The following HEYL variants were observed in gnomAD, a reference collection of about 807,000 sequenced individuals.
The protein encoded by HEYL is hes related family bHLH transcription factor with YRPW motif like, also known as hairy/enhancer-of-split related with YRPW motif-like protein.
HEYL carries 12 observed loss-of-function variants against 18.6 expected under a neutral mutation model. That is an observed-to-expected ratio of 0.65 (90% CI 0.41 to 1.05). The LOEUF (loss-of-function observed/expected upper bound fraction) is 1.05. HEYL is among the 50% of genes least tolerant of loss of function. The pLI is 0.00. For synonymous variants in HEYL, 159 were observed against 179.6 expected (o/e 0.89, Z 0.91); for missense variants, 420 against 444.7 (o/e 0.94, Z 0.50).
chr1:39,628,260 T>C (rs1646311491), intron 4 of HEYL, among the ~76,000 whole-genome samples: 1 of 152,230 alleles, frequency 6.6e-6, no homozygotes, highest in Admixed American at 6.5e-5. Flanking sequence ...TTCACCTTTC[T>C]GCGTTTGCTG....
chr1:39,633,219 G>A (rs1646344807), intron 1 of HEYL: 2 of 599,456 alleles, frequency 3.3e-6, no homozygotes, highest in Admixed American at 6.3e-5. Flanking sequence ...CGGGGGCGAA[G>A]GGGAGGCGGC....
At position 39,626,766 on chromosome 1, in the gene HEYL, G is replaced by T; in HGVS notation, c.728C>A (p.Ser243Tyr). 14 of 1,541,636 alleles carry T rather than the reference G, an allele frequency of 9.1e-6. No individual in the cohort carries two copies. Among genetic ancestry groups the T allele is most frequent in the Non-Finnish European group, 1.2e-5 (14 of 1,140,400 alleles). ...RRNVLPSRGASSTRRARPLER... is the reference protein window; with the variant it reads ...RRNVLPSRGAYSTRRARPLER... ...TAGGGGGCGGGCCCTCCGGGTGGAA[G>T]ATGCCCCTCGACTGGGCAGCACATT... The change falls in exon 5 of 5, where the codon TCT (serine) becomes TAT (tyrosine). Residue 243 changes from serine to tyrosine, a missense_variant. Transcript: ENST00000372852.
chr1:39,626,451 G>T lies in HEYL; in HGVS notation c.*56C>A, dbSNP rs1006227707. 1.4e-5 allele frequency: 20 copies of T among 1,416,514 alleles called. No individual in the cohort carries two copies. The highest frequency in any genetic ancestry group is 1.5e-5 in the Non-Finnish European group (16 of 1,072,064). The allele number at this position is 1,416,514 out of a possible 1,614,324, so 87.7% of individuals were successfully genotyped here. The stretch of plus-strand genomic sequence containing the variant: ...GCAGAAAAGGCAGTGCCCTTTTTTG[G>T]GCTCCTGGTAAAAGAACCTTCCTTA... On this transcript the variant is annotated 3_prime_UTR_variant, in exon 5 of 5. Transcript: ENST00000372852.
intron 1 of HEYL, chr1:39,633,220 G>A: frequency 3.4e-6 from 2 of 591,354 alleles, no homozygotes; most frequent in Non-Finnish European, 4.3e-6. Flanking sequence ...GGGGGCGAAG[G>A]GGAGGCGGCA....
At position 39,632,662 on chromosome 1, in the gene HEYL, T is replaced by C. The variant is rs769157772; in HGVS notation, c.134A>G (p.Lys45Arg). The change falls in exon 2 of 5, where the codon AAG becomes AGG. Residue 45 changes from lysine to arginine, a missense_variant. Physicochemically the swap from Lys to Arg is conservative, Grantham distance 26. Transcript: ENST00000372852. ...TPSSSQMQARKKHRGIIEKRR... is the reference protein window; with the variant it reads ...TPSSSQMQARRKHRGIIEKRR... ...ACGGACACTCACCCCTCTGTGTTTC[T>C]TCCTGGCTTGCATCTGCGAAGAGCT... 1.2e-6 allele frequency: 2 copies of C among 1,613,814 alleles called. No individual in the cohort carries two copies. The highest frequency in any genetic ancestry group is 2.2e-5 in the South Asian group (2 of 91,064).
In HEYL at chr1:39,639,531, C is replaced by A. The variant is rs1305336738; in HGVS notation, c.80+15G>T. ...TCGCCCTCCGCCTGCTCGGTCCCCG[C>A]ATCCCGGCCCTTACCTCAGCTGGCC... On this transcript the variant is annotated intron_variant, in intron 1 of 4. Transcript: ENST00000372852. The A allele has an allele frequency of 5.7e-6, 9 of 1,573,856 alleles. No homozygotes were observed. Among genetic ancestry groups the A allele is most frequent in the Non-Finnish European group, 6.0e-6 (7 of 1,165,002 alleles).
At position 39,639,530 on chromosome 1, in the gene HEYL, G is replaced by A. The variant is rs936010379; in HGVS notation, c.80+16C>T. 8 of 1,570,278 alleles carry A rather than the reference G, an allele frequency of 5.1e-6. No individual in the cohort carries two copies. The African/African-American group carries it at 8.5e-5, about 17-fold the overall frequency. ...CTCGCCCTCCGCCTGCTCGGTCCCC[G>A]CATCCCGGCCCTTACCTCAGCTGGC... On this transcript the variant is annotated intron_variant, in intron 1 of 4. Coordinates refer to ENST00000372852, the MANE Select transcript of HEYL (RefSeq NM_014571.4).
chr1:39,625,476 G>A lies in HEYL; in HGVS notation c.*1031C>T, dbSNP rs1646291197. 1 of 152,296 alleles carries A rather than the reference G, an allele frequency of 6.6e-6. No individual in the cohort carries two copies. The highest frequency in any genetic ancestry group is 1.5e-5 in the Non-Finnish European group (1 of 68,096). The allele number at this position is 152,296 out of a possible 1,614,324, so 9.4% of individuals were successfully genotyped here. A position where few individuals can be genotyped will look rare whatever the true frequency, so the allele number is the denominator to read the frequency against. On this transcript the variant is annotated 3_prime_UTR_variant, in exon 5 of 5. Coordinates refer to ENST00000372852, the MANE Select transcript of HEYL (RefSeq NM_014571.4). ...ATCCTTTCTCTTGCCCCTCCTTGCA[G>A]TTATTTTTGTCCAGCCTGACAGTCC...
Position 39,626,832 on chromosome 1 carries a change from G to A in HEYL, c.662C>T (p.Pro221Leu), listed in dbSNP as rs1379040619. The A allele has an allele frequency of 1.9e-6, 3 of 1,571,938 alleles. No individual in the cohort carries two copies. In the African/African-American group the frequency reaches 4.0e-5, roughly 21 times the overall value. Residue 221 changes from proline (P) to leucine (L), a missense_variant, in exon 5 of 5, where the codon CCC (proline) becomes CTC (leucine). By Grantham distance (98) the Pro-to-Leu change is moderately conservative. Transcript: ENST00000372852. The stretch of plus-strand genomic sequence containing the variant: ...GATGATGCCTGTGGCTCTGCGAAGG[G>A]GAGCGGTTCGGAGGGCTGGGATGGG... ...AYPIPALRTA[P>L]LRRATGIILP... is the part of the protein sequence containing the mutation.
chr1:39,627,546 A>G (rs1005223462), intron 4 of HEYL, among the ~76,000 whole-genome samples: 9 of 152,334 alleles, frequency 5.9e-5, no homozygotes, highest in African/African-American at 1.9e-4. Context: ...GGTGTAGAAC[A>G]ACTCTGCCTG....
At position 39,623,857 on chromosome 1, in the gene HEYL, G is replaced by C. The variant is rs1327063868; in HGVS notation, c.*2650C>G. On this transcript the variant is annotated 3_prime_UTR_variant, in exon 5 of 5. Coordinates refer to ENST00000372852, the MANE Select transcript of HEYL (RefSeq NM_014571.4). ...AGGGCAGGTGGCAGAAGCTCAGGGA[G>C]CAAGTCTGGGACTGGCAAGAAATGA... Among the ~76,000 whole-genome samples, 3 of 152,230 alleles carry C rather than the reference G, an allele frequency of 2.0e-5. No homozygotes were observed. In the East Asian group the frequency reaches 5.8e-4, roughly 29 times the overall value.
At chr1:39,627,226 G>T (rs773429077) in intron 4 of HEYL, 46 bp from the exon 5 acceptor site, 2 of 1,545,502 alleles carry the variant, frequency 1.3e-6, no homozygotes, top group South Asian at 2.4e-5. Context: ...GTGGGGAGAA[G>T]CATGGAGCCT....
chr1:39,632,670 T>C lies in HEYL; in HGVS notation c.126A>G (p.Gln42=), dbSNP rs748160359. ...PLSTPSSSQM[Q]ARKKHRGIIE... ...TCACCCCTCTGTGTTTCTTCCTGGC[T>C]TGCATCTGCGAAGAGCTGGGGGTGG... Residue 42 remains glutamine (Q), a synonymous_variant, in exon 2 of 5, where the codon CAA becomes CAG. Coordinates refer to ENST00000372852, the MANE Select transcript of HEYL (RefSeq NM_014571.4). 6.2e-7 allele frequency: 1 copy of C among 1,613,938 alleles called. No individual in the cohort carries two copies. Among genetic ancestry groups the C allele is most frequent in the Non-Finnish European group, 8.5e-7 (1 of 1,179,908 alleles).
At chr1:39,631,608 C>T in intron 2 of HEYL, 29 bp from the exon 3 acceptor site, 1 of 1,592,772 alleles carries the variant, frequency 6.3e-7, no homozygotes, top group South Asian at 1.1e-5. Flanking sequence ...AAGTTACTCA[C>T]AGGTGTGTCA....
intron 4 of HEYL, among the ~76,000 whole-genome samples, chr1:39,629,854 C>T (rs1226584128): frequency 1.3e-5 from 2 of 152,164 alleles, no homozygotes; most frequent in Non-Finnish European, 2.9e-5. Flanking sequence ...GGGTAGGATA[C>T]CAGGCTCCTC....
At position 39,632,636 on chromosome 1, in the gene HEYL, G is replaced by C; in HGVS notation, c.147+13C>G. The C allele has an allele frequency of 1.9e-6, 3 of 1,612,134 alleles. No individual in the cohort carries two copies. Among genetic ancestry groups the C allele is most frequent in the Non-Finnish European group, 2.5e-6 (3 of 1,178,606 alleles). ...CTTTGTTGGTCAACTCAGAGGCTGA[G>C]ACGGACACTCACCCCTCTGTGTTTC... On this transcript the variant is annotated intron_variant, in intron 2 of 4. Transcript: ENST00000372852.
chr1:39,631,349 C>T, intron 3 of HEYL, 147 bp downstream of exon 3: 1 of 668,734 alleles, frequency 1.5e-6, no homozygotes. Flanking sequence ...AATTTCCATT[C>T]CTTTTACCCT....
intron 1 of HEYL, 36 bp from the exon 2 acceptor site, chr1:39,632,751 G>T (rs559785926): frequency 6.2e-7 from 1 of 1,612,018 alleles, no homozygotes; most frequent in Non-Finnish European, 8.5e-7. Flanking sequence ...TTTCAGGGCT[G>T]GGGGACAGTC....
At chr1:39,629,864 C>T (rs1411958068) in intron 4 of HEYL, among the ~76,000 whole-genome samples, 1 of 152,168 alleles carries the variant, frequency 6.6e-6, no homozygotes, top group Non-Finnish European at 1.5e-5. Flanking sequence ...CCAGGCTCCT[C>T]CCTGGGTTAA....
Sources: allele counts gnomAD v4.1 joint callset (sites outside exome capture counted in the v4.1 genomes callset), GRCh38; gene constraint gnomAD v4.1.1; transcripts MANE v1.5; gene names NCBI Gene and HGNC (gene_info 2026-07-23, HGNC 2026-07-21).